The following SCAMP1 variants were observed in gnomAD, a reference collection of about 807,000 sequenced individuals.
The protein encoded by SCAMP1 is secretory carrier membrane protein 1.
Under a neutral mutation model 41.8 loss-of-function variants are expected in SCAMP1, and 15 were observed. The ratio of observed to expected loss-of-function variants is 0.36; its 90% confidence interval spans 0.24 to 0.55. The LOEUF (loss-of-function observed/expected upper bound fraction) is 0.55, where lower values mean the gene tolerates loss of function less well. Among genes scored for constraint, SCAMP1 ranks in the 20% least tolerant of loss-of-function variants. The pLI, the probability that SCAMP1 is intolerant of heterozygous loss-of-function variation, is 0.86. For missense variants in SCAMP1, 341 were observed against 412.6 expected (o/e 0.83, Z 1.50); for synonymous variants, 135 against 136.8 (o/e 0.99, Z 0.09).
At chr5:78,397,926 A>G (rs1343820734) in intron 2 of SCAMP1, among the ~76,000 whole-genome samples, 6 of 152,268 alleles carry the variant, frequency 3.9e-5, no homozygotes, top group African/African-American at 7.2e-5. Context: ...TAGGATATCT[A>G]TAATCAAAGA....
At chr5:78,408,325 A>T (rs1223864275) in intron 2 of SCAMP1, among the ~76,000 whole-genome samples, 3 of 152,184 alleles carry the variant, frequency 2.0e-5, no homozygotes, top group Non-Finnish European at 2.9e-5. Flanking sequence ...AGCATAGGAA[A>T]GACCCACCCC....
intron 2 of SCAMP1, among the ~76,000 whole-genome samples, chr5:78,392,072 AGAGAGG>A (rs1248176647): frequency 5.7e-5 from 1 of 17,474 alleles, no homozygotes; most frequent in Non-Finnish European, 1.5e-4. Flanking sequence ...GACCGTGGAA[AGAGAGG>A]GAGAGGGAGA....
At chr5:78,459,201 T>C (rs761988251) in intron 7 of SCAMP1, 44 bp from the exon 8 acceptor site, 1 of 902,658 alleles carries the variant, frequency 1.1e-6, no homozygotes. Flanking sequence ...TTTTAAAAAG[T>C]TTACATCAAC....
intron 2 of SCAMP1, among the ~76,000 whole-genome samples, chr5:78,391,287 C>T (rs1751490350): frequency 6.6e-6 from 1 of 150,950 alleles, no homozygotes; most frequent in African/African-American, 2.4e-5. Context: ...GGGGGCTGAC[C>T]CCCCCACCTC....
intron 2 of SCAMP1, among the ~76,000 whole-genome samples, chr5:78,405,671 G>A (rs1387220108): frequency 1.3e-5 from 2 of 152,166 alleles, no homozygotes; most frequent in Non-Finnish European, 2.9e-5. Flanking sequence ...GAGTAGGGGT[G>A]TTTGCCTATT....
chr5:78,451,414 AT>A (rs1370958711), intron 7 of SCAMP1, among the ~76,000 whole-genome samples: 1 of 152,148 alleles, frequency 6.6e-6, no homozygotes, highest in Non-Finnish European at 1.5e-5. Flanking sequence ...GATAAAGCAC[AT>A]TTTCATCACC....
At chr5:78,444,362 G>C (rs893160588) in intron 6 of SCAMP1, among the ~76,000 whole-genome samples, 1 of 152,198 alleles carries the variant, frequency 6.6e-6, no homozygotes, top group African/African-American at 2.4e-5. Flanking sequence ...AGGAGCAAAG[G>C]TATGTCTTAC....
intron 6 of SCAMP1, among the ~76,000 whole-genome samples, chr5:78,439,062 G>T (rs542270879): frequency 2.8e-4 from 42 of 152,174 alleles, no homozygotes; most frequent in Non-Finnish European, 5.4e-4. Flanking sequence ...CTTTCCATTT[G>T]CTTGGTAGAT....
chr5:78,403,217 C>T (rs1751842987), intron 2 of SCAMP1, among the ~76,000 whole-genome samples: 1 of 152,052 alleles, frequency 6.6e-6, no homozygotes, highest in Non-Finnish European at 1.5e-5. Context: ...TAATTTATCT[C>T]CTTCCTGGTT....
At chr5:78,395,176 C>T (rs932007088) in intron 2 of SCAMP1, among the ~76,000 whole-genome samples, 4 of 152,126 alleles carry the variant, frequency 2.6e-5, no homozygotes, top group Non-Finnish European at 5.9e-5. Flanking sequence ...TAATTTTTTT[C>T]GTAGACCATT....
Position 78,382,811 on chromosome 5 carries a change from G to GTGTGTGTGTGTGTT in SCAMP1, c.58-6018_58-6017insTGTGTTTGTGTGTG, listed in dbSNP as rs1189365616. 5.9e-3 allele frequency among the ~76,000 whole-genome samples: 407 copies of GTGTGTGTGTGTGTT among 69,266 alleles called. 1 individual carries two copies. The highest frequency in any genetic ancestry group is 0.015 in the African/African-American group (379 of 24,782). 45.4% of individuals were successfully genotyped at this position (69,266 alleles called of 152,430 possible). A position where few individuals can be genotyped will look rare whatever the true frequency, so the allele number is the denominator to read the frequency against. On this transcript the variant is annotated intron_variant, in intron 1 of 8. Transcript: ENST00000621999. ...TGTGTGTGTGTGTGTGTGTGTGTGT[G>GTGTGTGTGTGTGTT]TGTGTGTGCGCCACATTTTCTGTAT... is the stretch of plus-strand genomic sequence containing the variant.
chr5:78,469,913 C>CAAAAAAAAAAAAAAA (rs1561290939), intron 8 of SCAMP1, among the ~76,000 whole-genome samples: 45 of 23,154 alleles, frequency 1.9e-3, no homozygotes, highest in Non-Finnish European at 2.2e-3. Flanking sequence ...AAAAAAAAAA[C>CAAAAAAAAAAAAAAA]AAAAAAAAAA....
chr5:78,382,548 T>C (rs1751229769), intron 1 of SCAMP1, among the ~76,000 whole-genome samples: 1 of 152,098 alleles, frequency 6.6e-6, no homozygotes, highest in African/African-American at 2.4e-5. Context: ...ACCCATTATG[T>C]AGTCTTTTAT....
chr5:78,432,732 T>G (rs543476362), intron 6 of SCAMP1, among the ~76,000 whole-genome samples: 219 of 152,198 alleles, frequency 1.4e-3, no homozygotes, highest in African/African-American at 5.0e-3. Context: ...CTGTTTATCC[T>G]TAGTGTTGTC....
At chr5:78,416,475 G>A (rs1269804997) in intron 3 of SCAMP1, 66 bp from the exon 4 acceptor site, 2 of 1,173,182 alleles carry the variant, frequency 1.7e-6, no homozygotes, top group Non-Finnish European at 2.4e-6. Context: ...GTAGGAGTTA[G>A]CATATAAATG....
chr5:78,462,143 T>G (rs1298362554), intron 8 of SCAMP1, among the ~76,000 whole-genome samples: 2 of 152,050 alleles, frequency 1.3e-5, no homozygotes, highest in Admixed American at 1.3e-4. Flanking sequence ...TTGCAATTCT[T>G]CTTATGGAGT....
intron 2 of SCAMP1, among the ~76,000 whole-genome samples, chr5:78,405,124 A>G (rs942444105): frequency 6.6e-6 from 1 of 152,242 alleles, no homozygotes; most frequent in African/African-American, 2.4e-5. Flanking sequence ...TTAACGATCC[A>G]GAATGAATTA....
At position 78,364,070 on chromosome 5, in the gene SCAMP1, G is replaced by A. The variant is rs146922660; in HGVS notation, c.57+3342G>A. ...GTCAACATGTAATTATTGAAGAATTGCTGTATGTCCTTTGTTTTCTGTTGA... is the reference window on the plus strand; with the variant it reads ...GTCAACATGTAATTATTGAAGAATTACTGTATGTCCTTTGTTTTCTGTTGA... On this transcript the variant is annotated intron_variant, in intron 1 of 8. Coordinates refer to ENST00000621999, the MANE Select transcript of SCAMP1 (RefSeq NM_004866.6). 1.1e-3 allele frequency among the ~76,000 whole-genome samples: 164 copies of A among 152,312 alleles called. 1 individual carries two copies. Among genetic ancestry groups the A allele is most frequent in the African/African-American group, 3.8e-3 (159 of 41,566 alleles).
At chr5:78,383,739 G>T (rs138069448) in intron 1 of SCAMP1, among the ~76,000 whole-genome samples, 290 of 152,082 alleles carry the variant, frequency 1.9e-3, no homozygotes, top group African/African-American at 6.7e-3. Flanking sequence ...ATCAGCTGAC[G>T]GTAAGTATTT....
Sources: allele counts gnomAD v4.1 joint callset (sites outside exome capture counted in the v4.1 genomes callset), GRCh38; gene constraint gnomAD v4.1.1; transcripts MANE v1.5; gene names NCBI Gene and HGNC (gene_info 2026-07-23, HGNC 2026-07-21).